EGFR: variants seen among roughly 807,000 people sequenced by gnomAD.
The protein encoded by EGFR is epidermal growth factor receptor, also known as avian erythroblastic leukemia viral (v-erb-b) oncogene homolog.
In EGFR, 58 loss-of-function variants were observed where a neutral mutation model predicts 143.0. That is an observed-to-expected ratio of 0.41 (90% CI 0.33 to 0.50). The LOEUF is 0.50. EGFR is among the 20% of genes least tolerant of loss of function. The pLI is 0.39. For missense variants in EGFR, 1,307 were observed against 1,579.0 expected, an observed-to-expected ratio of 0.83 and a Z score of 2.92; for synonymous variants, 613 against 594.4, an observed-to-expected ratio of 1.03 and a Z score of -0.45.
chr7:55,104,447 A>G (rs982602175), intron 1 of EGFR, among the ~76,000 whole-genome samples: 2 of 152,092 alleles, frequency 1.3e-5, no homozygotes, highest in Non-Finnish European at 2.9e-5. Flanking sequence ...CTAGCTGCCT[A>G]TTGGCTGGAT....
intron 1 of EGFR, among the ~76,000 whole-genome samples, chr7:55,104,565 G>A (rs1792017450): frequency 6.6e-6 from 1 of 152,174 alleles, no homozygotes; most frequent in Admixed American, 6.5e-5. Context: ...GATGCATATG[G>A]CACTGTCTAC....
rs2128975074 is a variant in EGFR at position 55,205,259 on chromosome 7, A to T, written c.3275A>T (p.Tyr1092Phe). The change falls in exon 28 of 28, where the codon TAC (tyrosine) becomes TTC (phenylalanine). Residue 1092 changes from tyrosine (Y) to phenylalanine (F), a missense_variant. This residue lies in a region of EGFR where 313 missense variants were observed against 312.3 expected (regional missense o/e 1.00). Transcript: ENST00000275493. ...IDDTFLPVPE[Y>F]INQSVPKRPA... ...TCTGATTTCTTTCCACTTTCAGAATACATAAACCAGTCCGTTCCCAAAAGG... is the reference window on the plus strand; with the variant it reads ...TCTGATTTCTTTCCACTTTCAGAATTCATAAACCAGTCCGTTCCCAAAAGG... The T allele has an allele frequency of 6.2e-7, 1 of 1,613,736 alleles. No individual in the cohort carries two copies. Among genetic ancestry groups the T allele is most frequent in the East Asian group, 2.2e-5 (1 of 44,880 alleles).
Position 55,019,209 on chromosome 7 carries a change from C to T in EGFR, c.-69C>T, listed in dbSNP as rs537165657. ...GCCTCGCCGCCAACGCCACAACCAC[C>T]GCGCACGGCCCCCTGACTCCGTCCA... On this transcript the variant is annotated 5_prime_UTR_variant, in exon 1 of 28. Transcript: ENST00000275493. 35 of 1,282,794 alleles carry T rather than the reference C, an allele frequency of 2.7e-5. No individual in the cohort carries two copies. In the South Asian group the frequency reaches 4.0e-4, roughly 15 times the overall value. 79.5% of individuals were successfully genotyped at this position (1,282,794 alleles called of 1,614,324 possible).
intron 27 of EGFR, among the ~76,000 whole-genome samples, chr7:55,203,305 A>G (rs1190483652): frequency 1.3e-5 from 2 of 150,912 alleles, no homozygotes; most frequent in African/African-American, 2.4e-5. Context: ...ATACACATAT[A>G]CACACCACAC....
chr7:55,152,705 G>A (rs2128934000), intron 6 of EGFR, 41 bp downstream of exon 6: 1 of 1,557,898 alleles, frequency 6.4e-7, no homozygotes. Flanking sequence ...GCAGGCTGGG[G>A]CTGCACCCGC....
chr7:55,181,267 A>G lies in EGFR; in HGVS notation c.2284-26A>G, dbSNP rs1410015115. 3 of 1,613,562 alleles carry G rather than the reference A, an allele frequency of 1.9e-6. No individual in the cohort carries two copies. The African/African-American group carries it at 4.0e-5, about 22-fold the overall frequency. On this transcript the variant is annotated intron_variant, in intron 19 of 27. Transcript: ENST00000275493. ...CCTTCTGGCCACCATGCGAAGCCAC[A>G]CTGACGTGCCTCTCCCTCCCTCCAG...
At chr7:55,170,204 C>T in intron 15 of EGFR, 2 of 1,599,368 alleles carry the variant, frequency 1.3e-6, no homozygotes, top group Admixed American at 1.7e-5. Context: ...AGAACAGAGA[C>T]CTGGAGAGCA....
intron 1 of EGFR, among the ~76,000 whole-genome samples, chr7:55,131,034 A>G (rs183931886): frequency 9.7e-4 from 148 of 152,306 alleles, no homozygotes; most frequent in African/African-American, 3.5e-3. Flanking sequence ...AAGTCTGACT[A>G]AGGGGCCAGG....
At chr7:55,185,815 A>C (rs1476413875) in intron 20 of EGFR, among the ~76,000 whole-genome samples, 1 of 152,192 alleles carries the variant, frequency 6.6e-6, no homozygotes, top group East Asian at 1.9e-4. Context: ...TAAGCACCAA[A>C]CTACACTTAG....
chr7:55,116,268 T>C (rs1382097918), intron 1 of EGFR, among the ~76,000 whole-genome samples: 1 of 152,234 alleles, frequency 6.6e-6, no homozygotes, highest in Non-Finnish European at 1.5e-5. Flanking sequence ...GCTTCTGCTC[T>C]GGGGCCAGCT....
At chr7:55,123,912 A>T (rs896667740) in intron 1 of EGFR, among the ~76,000 whole-genome samples, 1 of 152,006 alleles carries the variant, frequency 6.6e-6, no homozygotes, top group Non-Finnish European at 1.5e-5. Flanking sequence ...TGTGTGTGCA[A>T]GTAAGTGTGT....
intron 1 of EGFR, among the ~76,000 whole-genome samples, chr7:55,060,308 G>C (rs779924184): frequency 2.0e-5 from 3 of 152,098 alleles, no homozygotes; most frequent in Non-Finnish European, 2.9e-5. Context: ...TTTGTTTTTA[G>C]TAGTGCCTCA....
intron 20 of EGFR, among the ~76,000 whole-genome samples, chr7:55,189,753 A>C (rs566079309): frequency 6.6e-6 from 1 of 152,342 alleles, no homozygotes; most frequent in South Asian, 2.1e-4. Flanking sequence ...AACAAAAGGT[A>C]CAAATGTGAA....
rs1308948781 is a variant in EGFR at position 55,210,844 on chromosome 7, T to C, written c.*5227T>C. Reference sequence around the variant, plus strand: ...GCTTATGCAGCTGACATTGTTGCCCTCCCTAAAGCAACCAAGTAGCCTTTA... The same window carrying C: ...GCTTATGCAGCTGACATTGTTGCCCCCCCTAAAGCAACCAAGTAGCCTTTA... On this transcript the variant is annotated 3_prime_UTR_variant, in exon 28 of 28. Transcript: ENST00000275493. The C allele has an allele frequency of 6.6e-6, 1 of 152,124 alleles. No homozygotes were observed. Among genetic ancestry groups the C allele is most frequent in the African/African-American group, 2.4e-5 (1 of 41,420 alleles). The allele number at this position is 152,124 out of a possible 1,614,324, so 9.4% of individuals were successfully genotyped here.
intron 1 of EGFR, among the ~76,000 whole-genome samples, chr7:55,124,555 T>C (rs1793408461): frequency 6.6e-6 from 1 of 152,206 alleles, no homozygotes; most frequent in Non-Finnish European, 1.5e-5. Flanking sequence ...TGCATTATCA[T>C]CATCTGCAAG....
chr7:55,023,132 G>A lies in EGFR; in HGVS notation c.88+3767G>A, dbSNP rs536409247. Reference sequence around the variant, plus strand: ...TGGGTCACAATGTTGAGGACATTTCGCCTGTTGCAGAACCCACCTGCAACA... The same window carrying A: ...TGGGTCACAATGTTGAGGACATTTCACCTGTTGCAGAACCCACCTGCAACA... On this transcript the variant is annotated intron_variant, in intron 1 of 27. Coordinates refer to ENST00000275493, the MANE Select transcript of EGFR (RefSeq NM_005228.5). Among the ~76,000 whole-genome samples the A allele has an allele frequency of 1.5e-4, 23 of 152,270 alleles. 1 individual carries two copies. The highest frequency in any genetic ancestry group is 3.9e-4 in the Admixed American group (6 of 15,302).
At chr7:55,155,781 A>C (rs1282158361) in intron 7 of EGFR, 49 bp from the exon 8 acceptor site, 2 of 1,520,530 alleles carry the variant, frequency 1.3e-6, no homozygotes, top group African/African-American at 2.7e-5. Flanking sequence ...GTGAGGCCCG[A>C]GCACCTGGTG....
chr7:55,060,562 C>T (rs1283235600), intron 1 of EGFR, among the ~76,000 whole-genome samples: 1 of 152,044 alleles, frequency 6.6e-6, no homozygotes, highest in Non-Finnish European at 1.5e-5. Flanking sequence ...TTTCATGAAC[C>T]CAAGATATAA....
intron 18 of EGFR, among the ~76,000 whole-genome samples, chr7:55,174,482 A>G (rs1423008522): frequency 6.6e-6 from 1 of 152,246 alleles, no homozygotes; most frequent in Non-Finnish European, 1.5e-5. Flanking sequence ...ACTTTATAAC[A>G]GGCTTTACAA....
Sources: gnomAD v4.1 joint callset for allele counts (sites outside exome capture counted in the v4.1 genomes callset) on GRCh38, gnomAD v4.1.1 for gene constraint, gnomAD v4.1.1 regional missense constraint, MANE v1.5 for transcripts, NCBI Gene and HGNC (gene_info 2026-07-23, HGNC 2026-07-21) for gene names.